Variants in CPE observed in about 807,000 individuals in gnomAD.
The protein encoded by CPE is carboxypeptidase E, also known as carbocypeptidase E.
A neutral mutation model predicts 53.5 loss-of-function variants in CPE; 17 were observed. The ratio of observed to expected loss-of-function variants is 0.32; its 90% confidence interval spans 0.22 to 0.48. CPE has a LOEUF of 0.48. CPE is among the 20% of genes least tolerant of loss of function. The pLI is 0.99. For missense variants in CPE, 524 were observed against 614.7 expected (o/e 0.85, Z 1.56); for synonymous variants, 226 against 228.8 (o/e 0.99, Z 0.11).
chr4:165,428,784 CTT>C (rs1731362578), intron 1 of CPE, among the ~76,000 whole-genome samples: 1 of 152,156 alleles, frequency 6.6e-6, no homozygotes, highest in African/African-American at 2.4e-5. Context: ...ATTGTATTCT[CTT>C]TTTCTGTGCT....
chr4:165,379,469 T>G lies in CPE; in HGVS notation c.248T>G (p.Phe83Cys). ...AGGATTTACACGGTGGGGCGCAGCTTCGAGGGCCGGGAGCTCCTGGTCATC... is the reference window on the plus strand; with the variant it reads ...AGGATTTACACGGTGGGGCGCAGCTGCGAGGGCCGGGAGCTCCTGGTCATC... ...ISRIYTVGRS[F>C]EGRELLVIEL... The change falls in exon 1 of 9, where the codon TTC becomes TGC. Residue 83 changes from phenylalanine to cysteine, a missense_variant. Phe to Cys is a radical substitution (Grantham distance 205). Coordinates refer to ENST00000402744, the MANE Select transcript of CPE (RefSeq NM_001873.4). This position sits in a 1 kb window ranked among gnomAD's most constrained non-coding sequence, Gnocchi z 6.0. The G allele has an allele frequency of 1.2e-6, 2 of 1,605,076 alleles. No homozygotes were observed. The highest frequency in any genetic ancestry group is 1.7e-5 in the Admixed American group (1 of 59,670).
chr4:165,449,022 G>A (rs971062369), intron 1 of CPE, among the ~76,000 whole-genome samples: 2 of 152,292 alleles, frequency 1.3e-5, no homozygotes, highest in Admixed American at 6.5e-5. Context: ...ACTTCTTAGC[G>A]TGTGTTTGTG....
chr4:165,487,637 A>G (rs1341981268), intron 6 of CPE, 60 bp downstream of exon 6: 3 of 1,584,818 alleles, frequency 1.9e-6, no homozygotes, highest in African/African-American at 2.7e-5. Context: ...CTGTCCTACA[A>G]TGGTCTTGTA....
At chr4:165,484,087 A>G (rs1732462741) in intron 4 of CPE, among the ~76,000 whole-genome samples, 1 of 152,164 alleles carries the variant, frequency 6.6e-6, no homozygotes, top group African/African-American at 2.4e-5. Flanking sequence ...GTATAGGTAC[A>G]TTTTTTAAAT....
chr4:165,453,676 C>T (rs1731852244), intron 1 of CPE, among the ~76,000 whole-genome samples: 1 of 152,152 alleles, frequency 6.6e-6, no homozygotes, highest in Admixed American at 6.6e-5. Context: ...TGAGCCACCA[C>T]ACCCAGCTTC....
intron 6 of CPE, among the ~76,000 whole-genome samples, chr4:165,492,538 G>T (rs6831003): frequency 0.21 from 32,117 of 151,972 alleles, 5,720 homozygotes; most frequent in African/African-American, 0.49. Flanking sequence ...GACTCATGTT[G>T]CAAAAACCCA....
chr4:165,488,495 G>T (rs1383445329), intron 6 of CPE, among the ~76,000 whole-genome samples: 2 of 152,174 alleles, frequency 1.3e-5, no homozygotes, highest in Admixed American at 6.5e-5. Context: ...GGCCCCAGAG[G>T]CAGTGGCAGT....
At chr4:165,409,519 T>A (rs1317021397) in intron 1 of CPE, among the ~76,000 whole-genome samples, 2 of 152,120 alleles carry the variant, frequency 1.3e-5, no homozygotes, top group Admixed American at 6.6e-5. Context: ...CATGCTTATA[T>A]CCCACAGTCA....
intron 1 of CPE, among the ~76,000 whole-genome samples, chr4:165,394,312 C>T (rs1398293776): frequency 6.6e-6 from 1 of 152,158 alleles, no homozygotes; most frequent in Non-Finnish European, 1.5e-5. Context: ...AACTTATTAG[C>T]AAAGATCAGA....
rs575321725 is a variant in CPE at position 165,431,994 on chromosome 4, TA to T, written c.308-32386del. 2.1e-3 allele frequency among the ~76,000 whole-genome samples: 312 copies of T among 145,376 alleles called. 1 individual carries two copies. Among genetic ancestry groups the T allele is most frequent in the African/African-American group, 7.4e-3 (293 of 39,548 alleles). ...CTCTTACCCCACCCTACACCCCAAT[TA>T]AAAAAAAAACCCACCACCAAATGAA... On this transcript the variant is annotated intron_variant, in intron 1 of 8. Transcript: ENST00000402744.
intron 2 of CPE, among the ~76,000 whole-genome samples, chr4:165,466,000 A>G (rs1732093187): frequency 6.6e-6 from 1 of 152,320 alleles, no homozygotes; most frequent in African/African-American, 2.4e-5. Flanking sequence ...TTAAAATATT[A>G]TTCATCGAAC....
At chr4:165,443,400 T>C (rs1361259281) in intron 1 of CPE, among the ~76,000 whole-genome samples, 4 of 152,210 alleles carry the variant, frequency 2.6e-5, no homozygotes, top group Non-Finnish European at 4.4e-5. Flanking sequence ...TTGTATTGCT[T>C]TGCTAAGGCC....
intron 1 of CPE, among the ~76,000 whole-genome samples, chr4:165,398,783 G>T (rs1209106182): frequency 6.6e-6 from 1 of 152,130 alleles, no homozygotes. Context: ...CTTGTTGAGT[G>T]GCATTAATAT....
intron 7 of CPE, among the ~76,000 whole-genome samples, chr4:165,493,601 C>T (rs949060800): frequency 9.9e-5 from 15 of 152,172 alleles, no homozygotes; most frequent in Non-Finnish European, 2.1e-4. Flanking sequence ...AGTTAAAATA[C>T]CAGTGACTTT....
intron 1 of CPE, among the ~76,000 whole-genome samples, chr4:165,454,406 T>C (rs1731867043): frequency 1.3e-5 from 2 of 152,244 alleles, no homozygotes; most frequent in Non-Finnish European, 2.9e-5. Context: ...AATTTGACTT[T>C]TGAATTATTT....
intron 1 of CPE, chr4:165,405,540 A>C (rs1352854862): frequency 5.3e-6 from 5 of 949,358 alleles, no homozygotes; most frequent in Non-Finnish European, 8.6e-6. Flanking sequence ...TGCCTGACAA[A>C]TGGAATAGTC....
chr4:165,404,784 T>C (rs1392194569), intron 1 of CPE: 1 of 775,234 alleles, frequency 1.3e-6, no homozygotes, highest in Admixed American at 1.7e-5. Flanking sequence ...ATTGCTACAG[T>C]TGAAGCACTG....
chr4:165,405,452 A>T (rs1484520044), intron 1 of CPE: 2 of 857,278 alleles, frequency 2.3e-6, no homozygotes, highest in Non-Finnish European at 4.1e-6. Context: ...CACATCAATT[A>T]TTTTCAGAGG....
At chr4:165,493,058 G>C in intron 6 of CPE, 113 bp from the exon 7 acceptor site, 1 of 641,346 alleles carries the variant, frequency 1.6e-6, no homozygotes, top group Non-Finnish European at 2.7e-6. Context: ...AAACAATGGG[G>C]GTCTACGGTA....
Sources: gnomAD v4.1 joint callset for allele counts (sites outside exome capture counted in the v4.1 genomes callset) on GRCh38, gnomAD v4.1.1 for gene constraint, Gnocchi (gnomAD v3.1) non-coding constraint, MANE v1.5 for transcripts, NCBI Gene and HGNC (gene_info 2026-07-23, HGNC 2026-07-21) for gene names.